TMEM184B: variants seen among roughly 807,000 people sequenced by gnomAD.
TMEM184B encodes the protein putative MAPK-activating protein FM08.
A neutral mutation model predicts 41.8 loss-of-function variants in TMEM184B; 17 were observed. The observed-to-expected ratio is 0.41, with a 90% CI of 0.28 to 0.61. The LOEUF is 0.61. TMEM184B is among the 20% of genes least tolerant of loss of function. The pLI is 0.34. For synonymous variants in TMEM184B, 240 were observed against 229.5 expected, an observed-to-expected ratio of 1.05 and a Z score of -0.41; for missense variants, 393 against 557.8, an observed-to-expected ratio of 0.70 and a Z score of 2.98.
intron 1 of TMEM184B, among the ~76,000 whole-genome samples, chr22:38,256,481 G>A (rs554935256): frequency 1.4e-4 from 21 of 151,328 alleles, no homozygotes; most frequent in African/African-American, 5.1e-4. Context: ...CTCCCACCTC[G>A]GCCTCCCAAA....
chr22:38,238,856 T>TC (rs2091843345), intron 3 of TMEM184B, among the ~76,000 whole-genome samples: 4 of 152,344 alleles, frequency 2.6e-5, no homozygotes, highest in Admixed American at 2.6e-4. Flanking sequence ...TGGACAAGTT[T>TC]CAGAGCCTAT....
At chr22:38,234,959 C>T (rs2091735336) in intron 3 of TMEM184B, among the ~76,000 whole-genome samples, 1 of 152,150 alleles carries the variant, frequency 6.6e-6, no homozygotes, top group Non-Finnish European at 1.5e-5. Flanking sequence ...CGTGCAGAGC[C>T]TTAGATGAGC....
At chr22:38,234,797 G>A (rs1315617903) in intron 3 of TMEM184B, among the ~76,000 whole-genome samples, 1 of 152,194 alleles carries the variant, frequency 6.6e-6, no homozygotes, top group Non-Finnish European at 1.5e-5. Context: ...AAAGAGCCAT[G>A]GGCCCTGGAG....
At chr22:38,253,780 T>C (rs1439668352) in intron 1 of TMEM184B, among the ~76,000 whole-genome samples, 2 of 152,082 alleles carry the variant, frequency 1.3e-5, no homozygotes, top group Non-Finnish European at 2.9e-5. Flanking sequence ...AAAAAATCGA[T>C]AAACTGCAAT....
chr22:38,263,741 G>A (rs1260505061), intron 1 of TMEM184B, among the ~76,000 whole-genome samples: 1 of 152,218 alleles, frequency 6.6e-6, no homozygotes, highest in Non-Finnish European at 1.5e-5. Flanking sequence ...GAGAGGCACA[G>A]TACATTTAAA....
Position 38,220,221 on chromosome 22 carries a change from G to T in TMEM184B, c.*1248C>A. On this transcript the variant is annotated 3_prime_UTR_variant, in exon 9 of 9. Transcript: ENST00000361906. ...CCCCAGGTCTAGAGGTGTGGAGGGG[G>T]AGAGGAGGGGCTTGGTGGTCCTGAC... is the stretch of plus-strand genomic sequence containing the variant. 1 of 985,888 alleles carries T rather than the reference G, an allele frequency of 1.0e-6. No homozygotes were observed. Among genetic ancestry groups the T allele is most frequent in the Non-Finnish European group, 1.2e-6 (1 of 830,060 alleles). The allele number at this position is 985,888 out of a possible 1,614,324, so 61.1% of individuals were successfully genotyped here. A position where few individuals can be genotyped will look rare whatever the true frequency, so the allele number is the denominator to read the frequency against.
chr22:38,242,000 C>A (rs1032436329), intron 3 of TMEM184B, among the ~76,000 whole-genome samples: 4 of 31,582 alleles, frequency 1.3e-4, no homozygotes, highest in South Asian at 1.3e-3. Flanking sequence ...CAACAAAAAC[C>A]AGTACAAGCA....
chr22:38,237,258 C>G (rs1303580072), intron 3 of TMEM184B, among the ~76,000 whole-genome samples: 1 of 152,246 alleles, frequency 6.6e-6, no homozygotes, highest in Non-Finnish European at 1.5e-5. Flanking sequence ...ACCTAAGACA[C>G]TTACCCCAAG....
chr22:38,261,966 A>C (rs566333500), intron 1 of TMEM184B, among the ~76,000 whole-genome samples: 4 of 152,124 alleles, frequency 2.6e-5, no homozygotes, highest in Non-Finnish European at 5.9e-5. Flanking sequence ...CAAAGAGCGC[A>C]CACGCGCCCC....
At chr22:38,218,270 A>G (rs1380766504), downstream of TMEM184B, among the ~76,000 whole-genome samples, 1 of 152,148 alleles carries the variant, frequency 6.6e-6, no homozygotes, top group Non-Finnish European at 1.5e-5. Flanking sequence ...CACCCTGAAG[A>G]AGGAGTGGAG....
At chr22:38,230,304 C>T (rs1052109072) in intron 5 of TMEM184B, among the ~76,000 whole-genome samples, 1 of 152,236 alleles carries the variant, frequency 6.6e-6, no homozygotes, top group African/African-American at 2.4e-5. Flanking sequence ...TGGCGTGTGT[C>T]TTTAATGCCA....
intron 3 of TMEM184B, among the ~76,000 whole-genome samples, chr22:38,238,223 A>G (rs2091826663): frequency 1.4e-5 from 2 of 145,320 alleles, no homozygotes; most frequent in South Asian, 2.1e-4. Flanking sequence ...GGATCTATCA[A>G]CTTCTTTTTT....
intron 5 of TMEM184B, among the ~76,000 whole-genome samples, chr22:38,227,372 G>A (rs1461177155): frequency 5.9e-5 from 9 of 152,132 alleles, no homozygotes; most frequent in Non-Finnish European, 1.2e-4. Flanking sequence ...AAGGGGCTGC[G>A]CACTAGAGAG....
chr22:38,219,289 C>T (rs1404478005), downstream of TMEM184B: 10 of 985,656 alleles, frequency 1.0e-5, no homozygotes, highest in Non-Finnish European at 9.6e-6. Context: ...CACCCACAGG[C>T]AGAGATTTCA....
Position 38,219,312 on chromosome 22 carries a change from T to A in TMEM184B, c.*2157A>T. 1 of 985,768 alleles carries A rather than the reference T, an allele frequency of 1.0e-6. No homozygotes were observed. Among genetic ancestry groups the A allele is most frequent in the Non-Finnish European group, 1.2e-6 (1 of 829,930 alleles). 61.1% of individuals were successfully genotyped at this position (985,768 alleles called of 1,614,324 possible). A position where few individuals can be genotyped will look rare whatever the true frequency, so the allele number is the denominator to read the frequency against. Reference sequence around the variant, plus strand: ...GGCAGAGATTTCAATACAATCTATATTATCTCATATATAGATTTCTTCCTC... The same window carrying A: ...GGCAGAGATTTCAATACAATCTATAATATCTCATATATAGATTTCTTCCTC... On this transcript the variant is annotated 3_prime_UTR_variant, in exon 9 of 9. Coordinates refer to ENST00000361906, the MANE Select transcript of TMEM184B (RefSeq NM_012264.5).
intron 1 of TMEM184B, among the ~76,000 whole-genome samples, chr22:38,250,728 G>A (rs1401254312): frequency 6.6e-6 from 1 of 151,942 alleles, no homozygotes; most frequent in East Asian, 1.9e-4. Flanking sequence ...TCATGACTAA[G>A]GGCGGTGTTG....
rs34060428 is a variant in TMEM184B at position 38,241,883 on chromosome 22, C to CAAAAAAAAAAAAAAAAAAA, written c.358+4033_358+4051dup. 9.2e-4 allele frequency among the ~76,000 whole-genome samples: 30 copies of CAAAAAAAAAAAAAAAAAAA among 32,606 alleles called. 3 individuals are homozygous for CAAAAAAAAAAAAAAAAAAA. The highest frequency in any genetic ancestry group is 2.2e-3 in the East Asian group (2 of 914). 21.4% of individuals were successfully genotyped at this position (32,606 alleles called of 152,430 possible). Reference sequence around the variant, plus strand: ...TGGGTGACAGAGCGAGACTCCGTCTCAAAAAAAAAAAAAAAAAAAAAAAAG... The same window carrying CAAAAAAAAAAAAAAAAAAA: ...TGGGTGACAGAGCGAGACTCCGTCTCAAAAAAAAAAAAAAAAAAAAAAAAAAAAAAAAAAAAAAAAAAAG... On this transcript the variant is annotated intron_variant, in intron 3 of 8. Transcript: ENST00000361906.
In TMEM184B at chr22:38,220,812, AGAAGCCCC is replaced by A; in HGVS notation, c.*649_*656del. On this transcript the variant is annotated 3_prime_UTR_variant, in exon 9 of 9. Transcript: ENST00000361906. Reference sequence around the variant, plus strand: ...GACAGGTGGGGATACCCAGGGGCCCAGAAGCCCCTGCTTCAACAGAAGCGGTGCCCAGG... The same window carrying A: ...GACAGGTGGGGATACCCAGGGGCCCATGCTTCAACAGAAGCGGTGCCCAGG... The A allele has an allele frequency of 1.0e-6, 1 of 986,148 alleles. No homozygotes were observed. The highest frequency in any genetic ancestry group is 1.2e-6 in the Non-Finnish European group (1 of 830,158). 61.1% of individuals were successfully genotyped at this position (986,148 alleles called of 1,614,324 possible). A position where few individuals can be genotyped will look rare whatever the true frequency, so the allele number is the denominator to read the frequency against.
intron 3 of TMEM184B, among the ~76,000 whole-genome samples, chr22:38,241,803 GA>G (rs751715056): frequency 4.2e-5 from 6 of 142,984 alleles, no homozygotes; most frequent in Non-Finnish European, 7.5e-5. Context: ...AGAATGGCGT[GA>G]ACCCAGGAGA....
Sources: allele counts gnomAD v4.1 joint callset (sites outside exome capture counted in the v4.1 genomes callset), GRCh38; gene constraint gnomAD v4.1.1; transcripts MANE v1.5; gene names NCBI Gene and HGNC (gene_info 2026-07-23, HGNC 2026-07-21).